SNX10: variants seen among roughly 807,000 people sequenced by gnomAD.
The protein encoded by SNX10 is sorting nexin 10.
In SNX10, 25 loss-of-function variants were observed where a neutral mutation model predicts 28.5. The observed-to-expected ratio is 0.88, with a 90% confidence interval of 0.64 to 1.22. The LOEUF is 1.22. SNX10 is among the 50% of genes most tolerant of loss of function. The pLI is 0.00. For synonymous variants in SNX10, 62 were observed against 81.4 expected, an observed-to-expected ratio of 0.76 and a Z score of 1.28; for missense variants, 223 against 242.6, an observed-to-expected ratio of 0.92 and a Z score of 0.54.
intron 2 of SNX10, among the ~76,000 whole-genome samples, chr7:26,356,095 G>C (rs1788807775): frequency 6.6e-6 from 1 of 152,268 alleles, no homozygotes; most frequent in East Asian, 1.9e-4. Flanking sequence ...AGTGGATAAT[G>C]GTCAAACCTG....
chr7:26,320,245 G>T (rs1787259623), intron 1 of SNX10, among the ~76,000 whole-genome samples: 6 of 151,816 alleles, frequency 4.0e-5, no homozygotes, highest in Admixed American at 3.9e-4. Flanking sequence ...CCCTCCCAAA[G>T]TATTGAGATT....
intron 1 of SNX10, among the ~76,000 whole-genome samples, chr7:26,314,800 AC>A (rs1188627217): frequency 1.3e-5 from 2 of 151,908 alleles, no homozygotes; most frequent in African/African-American, 4.8e-5. Flanking sequence ...AGAGTTTGAG[AC>A]CAGCCTGGCC....
rs537692384 is a variant in SNX10, at chr7:26,359,618, TTAAAC to T, written c.25-1351_25-1347del. Among the ~76,000 whole-genome samples, 298 of 152,366 alleles carry T rather than the reference TTAAAC, an allele frequency of 2.0e-3. 1 individual carries two copies. The highest frequency in any genetic ancestry group is 7.0e-3 in the African/African-American group (293 of 41,584). On this transcript the variant is annotated intron_variant, in intron 2 of 6. Coordinates refer to ENST00000338523, the MANE Select transcript of SNX10 (RefSeq NM_013322.3). ...TTTTTTGCTGTACATTTTCAAATTT[TTAAAC>T]TAAACCTATTTAGTAAAGAGCACCT...
intron 3 of SNX10, among the ~76,000 whole-genome samples, chr7:26,362,909 C>G (rs1357385302): frequency 6.6e-6 from 1 of 151,904 alleles, no homozygotes; most frequent in South Asian, 2.1e-4. Context: ...GGTGTAGGTA[C>G]CAGGTGGATT....
chr7:26,300,147 G>A (rs895210172), intron 1 of SNX10, among the ~76,000 whole-genome samples: 7 of 152,096 alleles, frequency 4.6e-5, no homozygotes, highest in African/African-American at 1.7e-4. Flanking sequence ...GGAGGCAGAG[G>A]TTGCAGTGAG....
intron 1 of SNX10, among the ~76,000 whole-genome samples, chr7:26,323,559 C>T (rs1357439827): frequency 6.6e-6 from 1 of 152,064 alleles, no homozygotes; most frequent in African/African-American, 2.4e-5. Flanking sequence ...CAGGAGGCGG[C>T]AGGGGTGGTT....
intron 1 of SNX10, among the ~76,000 whole-genome samples, chr7:26,316,716 G>A (rs1400979794): frequency 6.6e-6 from 1 of 152,194 alleles, no homozygotes; most frequent in Non-Finnish European, 1.5e-5. Context: ...CAGAGGGTAA[G>A]CAGGTGGACC....
intron 1 of SNX10, among the ~76,000 whole-genome samples, chr7:26,294,246 T>C (rs1327175733): frequency 2.0e-5 from 3 of 152,244 alleles, no homozygotes; most frequent in African/African-American, 7.2e-5. Context: ...TTAGCTCTTC[T>C]GTTCTCTAAG....
intron 1 of SNX10, among the ~76,000 whole-genome samples, chr7:26,326,085 A>G (rs1027305015): frequency 6.6e-6 from 1 of 152,206 alleles, no homozygotes; most frequent in Non-Finnish European, 1.5e-5. Flanking sequence ...AAACTGTATT[A>G]AAAGTAAATA....
chr7:26,315,578 G>A (rs1291265470), intron 1 of SNX10, among the ~76,000 whole-genome samples: 1 of 151,962 alleles, frequency 6.6e-6, no homozygotes, highest in African/African-American at 2.4e-5. Context: ...TGAGGCAGGA[G>A]AATGGCATGA....
chr7:26,320,768 A>G (rs1228721346), intron 1 of SNX10, among the ~76,000 whole-genome samples: 1 of 152,174 alleles, frequency 6.6e-6, no homozygotes, highest in Non-Finnish European at 1.5e-5. Context: ...ATGTATACAC[A>G]TATGTACACA....
intron 1 of SNX10, among the ~76,000 whole-genome samples, chr7:26,302,980 T>G (rs954662886): frequency 6.6e-6 from 1 of 151,198 alleles, no homozygotes; most frequent in Non-Finnish European, 1.5e-5. Context: ...AAAAACCTGT[T>G]TCTGATGGTC....
chr7:26,347,038 C>T (rs1178927936), intron 2 of SNX10, among the ~76,000 whole-genome samples: 1 of 152,230 alleles, frequency 6.6e-6, no homozygotes, highest in East Asian at 1.9e-4. Context: ...GCCCTGCCTG[C>T]TGTGGTGCAG....
chr7:26,293,576 AAAAAT>A (rs1309422258), intron 1 of SNX10, among the ~76,000 whole-genome samples: 2 of 152,254 alleles, frequency 1.3e-5, no homozygotes, highest in African/African-American at 4.8e-5. Context: ...ATAAAAATAC[AAAAAT>A]AAAATACATT....
intron 1 of SNX10, among the ~76,000 whole-genome samples, chr7:26,300,794 G>A (rs1445741722): frequency 6.6e-6 from 1 of 152,084 alleles, no homozygotes; most frequent in Non-Finnish European, 1.5e-5. Flanking sequence ...TAAGGTGGGT[G>A]AATCACTGGA....
intron 1 of SNX10, among the ~76,000 whole-genome samples, chr7:26,328,027 A>G (rs931687442): frequency 6.6e-6 from 1 of 152,080 alleles, no homozygotes; most frequent in Non-Finnish European, 1.5e-5. Flanking sequence ...GTGCCCGGCC[A>G]CATTCTTTTT....
chr7:26,320,475 G>A (rs899198772), intron 1 of SNX10, among the ~76,000 whole-genome samples: 4 of 150,310 alleles, frequency 2.7e-5, no homozygotes, highest in African/African-American at 7.4e-5. Flanking sequence ...TCTGTTGCCC[G>A]GGCTGGAGTG....
chr7:26,325,960 T>G (rs1171174200), intron 1 of SNX10, among the ~76,000 whole-genome samples: 1 of 152,168 alleles, frequency 6.6e-6, no homozygotes, highest in Admixed American at 6.5e-5. Flanking sequence ...ACTCCTGACC[T>G]CAGGTGATCT....
At chr7:26,292,266 A>G (rs1384354274) in intron 1 of SNX10, 180 bp downstream of exon 1, 1 of 152,056 alleles carries the variant, frequency 6.6e-6, no homozygotes, top group Non-Finnish European at 1.5e-5. Flanking sequence ...TTTTCAGCCG[A>G]GGTGTGCCGG....
Sources: gnomAD v4.1 joint callset for allele counts (sites outside exome capture counted in the v4.1 genomes callset) on GRCh38, gnomAD v4.1.1 for gene constraint, MANE v1.5 for transcripts, NCBI Gene and HGNC (gene_info 2026-07-23, HGNC 2026-07-21) for gene names.